PTPRN2: variants seen among roughly 807,000 people sequenced by gnomAD.
The protein encoded by PTPRN2 is protein tyrosine phosphatase receptor type N2, also known as receptor-type tyrosine-protein phosphatase N2.
A neutral mutation model predicts 118.8 loss-of-function variants in PTPRN2; 74 were observed. That is an observed-to-expected ratio of 0.62 (90% CI 0.52 to 0.76). PTPRN2 has a LOEUF of 0.76. Ranked by LOEUF, PTPRN2 falls within the 30% of genes least tolerant of loss-of-function variation. The pLI is 0.00. For synonymous variants in PTPRN2, 641 were observed against 608.0 expected (o/e 1.05, Z -0.80); for missense variants, 1,481 against 1,394.4 (o/e 1.06, Z -0.99).
intron 3 of PTPRN2, among the ~76,000 whole-genome samples, chr7:158,263,021 G>C (rs1175601209): frequency 7.2e-6 from 1 of 139,626 alleles, no homozygotes; most frequent in Admixed American, 7.1e-5. Flanking sequence ...CACACACAGT[G>C]CACACATACA....
rs572792151 is a variant in PTPRN2, at chr7:157,964,436, C to CAA, written c.1724-65701_1724-65700dup. 5.7e-5 allele frequency among the ~76,000 whole-genome samples: 8 copies of CAA among 140,304 alleles called. No individual in the cohort carries two copies. The highest frequency in any genetic ancestry group is 2.3e-4 in the South Asian group (1 of 4,362). The allele number at this position is 140,304 out of a possible 152,430, so 92.0% of individuals were successfully genotyped here. On this transcript the variant is annotated intron_variant, in intron 11 of 22. Coordinates refer to ENST00000389418, the MANE Select transcript of PTPRN2 (RefSeq NM_002847.5). This position sits in a 1 kb window ranked among gnomAD's most constrained non-coding sequence, Gnocchi z 9.0. Reference sequence around the variant, plus strand: ...CCCTAACATTCCAGTTTTGTGCTACCAAAAAAAAAAAAATCACCTGAATGA... The same window carrying CAA: ...CCCTAACATTCCAGTTTTGTGCTACCAAAAAAAAAAAAAAATCACCTGAATGA...
At chr7:158,478,117 C>T (rs149375366) in intron 2 of PTPRN2, among the ~76,000 whole-genome samples, 26 of 152,340 alleles carry the variant, frequency 1.7e-4, no homozygotes, top group African/African-American at 4.8e-4. Context: ...GGGACAGGCA[C>T]GGCGGCAAAG....
At chr7:158,151,726 C>G (rs1821190439) in intron 6 of PTPRN2, among the ~76,000 whole-genome samples, 1 of 152,106 alleles carries the variant, frequency 6.6e-6, no homozygotes, top group Non-Finnish European at 1.5e-5. Context: ...CCCTCCCTTG[C>G]TAGCTGCATT....
At chr7:158,090,078 GAAA>G (rs1813973432) in intron 10 of PTPRN2, among the ~76,000 whole-genome samples, 1 of 114,034 alleles carries the variant, frequency 8.8e-6, no homozygotes, top group African/African-American at 3.4e-5. Flanking sequence ...CTCCCCTGAT[GAAA>G]GAGGGGGTCT....
intron 12 of PTPRN2, among the ~76,000 whole-genome samples, chr7:157,822,574 C>T (rs1418596247): frequency 6.6e-6 from 1 of 151,838 alleles, no homozygotes; most frequent in Non-Finnish European, 1.5e-5. Flanking sequence ...ATTATCTTTC[C>T]ATAATACACT....
intron 3 of PTPRN2, among the ~76,000 whole-genome samples, chr7:158,305,792 C>CAAAA (rs113374723): frequency 2.6e-5 from 3 of 116,258 alleles, no homozygotes; most frequent in African/African-American, 6.0e-5. Flanking sequence ...GCAATTTACT[C>CAAAA]AAAAAAAAAA....
intron 2 of PTPRN2, among the ~76,000 whole-genome samples, chr7:158,351,493 C>T (rs1022091752): frequency 6.6e-6 from 1 of 152,188 alleles, no homozygotes; most frequent in African/African-American, 2.4e-5. Context: ...CTCAAAACTC[C>T]CATTTGTGAA....
intron 11 of PTPRN2, among the ~76,000 whole-genome samples, chr7:157,923,424 T>C (rs545701303): frequency 4.6e-5 from 7 of 152,322 alleles, no homozygotes; most frequent in Admixed American, 2.6e-4. Context: ...CGCGCTGGCC[T>C]GTGGAGGGGA....
rs372621405 is a variant in PTPRN2 at position 157,644,906 on chromosome 7, G to A, written c.2196+11451C>T. ...CGATTTCCACCCGTGGGAACCACAC[G>A]GGCCCGAGCTACCCAGCCGGCTCCT... On this transcript the variant is annotated intron_variant, in intron 14 of 22. Transcript: ENST00000389418. Among the ~76,000 whole-genome samples, 44 of 152,218 alleles carry A rather than the reference G, an allele frequency of 2.9e-4. No homozygotes were observed. In the East Asian group the frequency reaches 5.6e-3, roughly 19 times the overall value.
chr7:157,715,881 G>A lies in PTPRN2; in HGVS notation c.1789-32944C>T, dbSNP rs971481102. ...GGGCAGCACTCCAGGCAGGCTGCAT[G>A]CTCCGGGGAGACACAGATGGCAAGG... On this transcript the variant is annotated intron_variant, in intron 12 of 22. Transcript: ENST00000389418. Among the ~76,000 whole-genome samples, 24 of 152,224 alleles carry A rather than the reference G, an allele frequency of 1.6e-4. 1 individual carries two copies. Among genetic ancestry groups the A allele is most frequent in the South Asian group, 6.2e-4 (3 of 4,830 alleles).
rs373244386 is a variant in PTPRN2, at chr7:158,563,618, C to T, written c.112+23940G>A. 4.6e-5 allele frequency among the ~76,000 whole-genome samples: 7 copies of T among 152,312 alleles called. No individual in the cohort carries two copies. Among genetic ancestry groups the T allele is most frequent in the African/African-American group, 1.4e-4 (6 of 41,576 alleles). On this transcript the variant is annotated intron_variant, in intron 1 of 22. Transcript: ENST00000389418. This position sits in a 1 kb window ranked among gnomAD's most constrained non-coding sequence, Gnocchi z 5.1. ...GGATGAAGAATCCTGCAGCTCTCGC[C>T]GGGGACATCTGAACATCCTTGTTAG...
Position 157,737,882 on chromosome 7 carries a change from G to C in PTPRN2, c.1789-54945C>G, listed in dbSNP as rs966350905. 1.1e-4 allele frequency among the ~76,000 whole-genome samples: 16 copies of C among 152,228 alleles called. No individual in the cohort carries two copies. In the East Asian group the frequency reaches 2.3e-3, roughly 22 times the overall value. Reference sequence around the variant, plus strand: ...TGCGGGGAGGACCTGGTGTCTGGGCGGGGGAGGAGGCTCCGAGGGGCTCTT... The same window carrying C: ...TGCGGGGAGGACCTGGTGTCTGGGCCGGGGAGGAGGCTCCGAGGGGCTCTT... On this transcript the variant is annotated intron_variant, in intron 12 of 22. Coordinates refer to ENST00000389418, the MANE Select transcript of PTPRN2 (RefSeq NM_002847.5).
chr7:158,469,482 A>G (rs1038797902), intron 2 of PTPRN2, among the ~76,000 whole-genome samples: 3 of 152,272 alleles, frequency 2.0e-5, no homozygotes, highest in East Asian at 3.9e-4. Flanking sequence ...TCCACAATGA[A>G]CACACCAAAA....
intron 11 of PTPRN2, among the ~76,000 whole-genome samples, chr7:157,955,963 A>G (rs1407888970): frequency 1.3e-5 from 2 of 152,340 alleles, no homozygotes; most frequent in East Asian, 1.9e-4. Context: ...CAGGAGACCA[A>G]GGGAGAAACC....
chr7:157,884,035 G>C (rs1012327744), intron 12 of PTPRN2, among the ~76,000 whole-genome samples: 6 of 150,906 alleles, frequency 4.0e-5, no homozygotes, highest in African/African-American at 9.8e-5. Flanking sequence ...CAAAATGACT[G>C]TCGAAAACCA....
intron 1 of PTPRN2, among the ~76,000 whole-genome samples, chr7:158,507,821 G>C (rs1390008945): frequency 1.3e-5 from 2 of 149,680 alleles, no homozygotes; most frequent in African/African-American, 5.0e-5. Context: ...CAGTGGACAG[G>C]AGACCGCATG....
In PTPRN2 at chr7:158,120,778, A is replaced by G. The variant is rs79435378; in HGVS notation, c.1557-9863T>C. ...CCAGGGCCATCTGAACAGCTTGTGAAGGGCACTGGTGCCAGAAAAAGTGTC... is the reference window on the plus strand; with the variant it reads ...CCAGGGCCATCTGAACAGCTTGTGAGGGGCACTGGTGCCAGAAAAAGTGTC... On this transcript the variant is annotated intron_variant, in intron 9 of 22. Transcript: ENST00000389418. Among the ~76,000 whole-genome samples the G allele has an allele frequency of 4.1e-3, 623 of 152,292 alleles. 15 individuals carry two copies. The East Asian group carries it at 0.045, about 11-fold the overall frequency.
rs759843768 is a variant in PTPRN2, at chr7:157,540,601, TA to T, written c.*112del. The T allele has an allele frequency of 2.4e-5, 20 of 826,688 alleles. No individual in the cohort carries two copies. The Middle Eastern group carries it at 6.9e-4, about 29-fold the overall frequency. The allele number at this position is 826,688 out of a possible 1,614,324, so 51.2% of individuals were successfully genotyped here. ...TAAACTGCGCTGACTACGGGAGAGC[TA>T]AGGGCCCTATTACTATGCAGTTATA... On this transcript the variant is annotated 3_prime_UTR_variant, in exon 23 of 23. Transcript: ENST00000389418.
intron 11 of PTPRN2, among the ~76,000 whole-genome samples, chr7:157,926,801 C>T (rs1799019539): frequency 6.6e-6 from 1 of 152,226 alleles, no homozygotes; most frequent in Non-Finnish European, 1.5e-5. Flanking sequence ...GCTGGACACT[C>T]CATGGCCCCC....
Sources: allele counts gnomAD v4.1 joint callset (sites outside exome capture counted in the v4.1 genomes callset), GRCh38; gene constraint gnomAD v4.1.1; non-coding constraint Gnocchi (gnomAD v3.1); transcripts MANE v1.5; gene names NCBI Gene and HGNC (gene_info 2026-07-23, HGNC 2026-07-21).